KCNMA1: variants seen among roughly 807,000 people sequenced by gnomAD.
The protein encoded by KCNMA1 is potassium calcium-activated channel subfamily M alpha 1, also known as Calcium-activated potassium channel subunit alpha-1.
A neutral mutation model predicts 140.0 loss-of-function variants in KCNMA1; 29 were observed. The observed-to-expected ratio is 0.21, with a 90% CI of 0.15 to 0.28. The LOEUF is 0.28. Among genes scored for constraint, KCNMA1 ranks in the 10% least tolerant of loss-of-function variants. The pLI, the probability that KCNMA1 is intolerant of heterozygous loss-of-function variation, is 1.00. For missense variants in KCNMA1, 880 were observed against 1,602.2 expected (o/e 0.55, Z 7.70); for synonymous variants, 612 against 611.9 (o/e 1.00, Z 0.00).
At chr10:77,070,505 G>A (rs1017450800) in intron 14 of KCNMA1, among the ~76,000 whole-genome samples, 3 of 152,104 alleles carry the variant, frequency 2.0e-5, no homozygotes, top group African/African-American at 4.8e-5. Flanking sequence ...AATGCTAATT[G>A]TTCCCAAAGG....
At chr10:77,499,436 T>TAC (rs10672811) in intron 1 of KCNMA1, among the ~76,000 whole-genome samples, 11,982 of 142,858 alleles carry the variant, frequency 0.084, 1,419 homozygotes, top group African/African-American at 0.27. Flanking sequence ...CACACACACA[T>TAC]ACACACACAC....
At chr10:77,636,716 C>T in intron 1 of KCNMA1, 1 of 1,513,630 alleles carries the variant, frequency 6.6e-7, no homozygotes, top group East Asian at 2.5e-5. Context: ...GGGCCATGCT[C>T]CTCCCCCGGG....
At chr10:77,621,345 T>A (rs1252115838) in intron 1 of KCNMA1, among the ~76,000 whole-genome samples, 1 of 152,204 alleles carries the variant, frequency 6.6e-6, no homozygotes, top group Non-Finnish European at 1.5e-5. Context: ...CCCATTCTTT[T>A]ACTAACACAG....
chr10:77,255,714 C>A (rs920394280), intron 2 of KCNMA1, among the ~76,000 whole-genome samples: 1 of 152,054 alleles, frequency 6.6e-6, no homozygotes, highest in African/African-American at 2.4e-5. Flanking sequence ...GAGTTCGAGA[C>A]CAGCCTGGCC....
intron 23 of KCNMA1, among the ~76,000 whole-genome samples, chr10:76,937,176 C>T (rs1162491686): frequency 6.6e-6 from 1 of 152,184 alleles, no homozygotes; most frequent in African/African-American, 2.4e-5. Context: ...AAATATCTTC[C>T]TTATGTTGGG....
intron 1 of KCNMA1, among the ~76,000 whole-genome samples, chr10:77,450,676 C>T (rs187876682): frequency 9.9e-5 from 15 of 152,258 alleles, no homozygotes; most frequent in African/African-American, 3.4e-4. Flanking sequence ...GGTTTCACCA[C>T]CAGTCATGTC....
At chr10:77,249,489 A>T (rs944220628) in intron 3 of KCNMA1, 1 of 152,170 alleles carries the variant, frequency 6.6e-6, no homozygotes, top group Non-Finnish European at 1.5e-5. Context: ...TAAAAAAATA[A>T]AAAAAATAAA....
intron 2 of KCNMA1, among the ~76,000 whole-genome samples, chr10:77,293,932 A>C (rs1044844698): frequency 1.3e-5 from 2 of 152,242 alleles, no homozygotes; most frequent in Admixed American, 6.5e-5. Context: ...GAAGCATCAA[A>C]TCTCTTTCAC....
chr10:77,065,624 G>A (rs987421613), intron 14 of KCNMA1, among the ~76,000 whole-genome samples: 8 of 152,122 alleles, frequency 5.3e-5, no homozygotes, highest in Middle Eastern at 6.8e-3. Context: ...AAACAGACCC[G>A]ATCATGTAGT....
chr10:76,892,103 A>T (rs1032697692), intron 25 of KCNMA1, among the ~76,000 whole-genome samples: 7 of 152,138 alleles, frequency 4.6e-5, no homozygotes, highest in African/African-American at 1.7e-4. Context: ...CCCAGCTACT[A>T]ACCCAAGCAG....
At chr10:76,986,780 T>C (rs574795152) in intron 19 of KCNMA1, among the ~76,000 whole-genome samples, 1 of 152,248 alleles carries the variant, frequency 6.6e-6, no homozygotes, top group East Asian at 1.9e-4. Flanking sequence ...AAGCAATGGG[T>C]TTGCCATGGC....
intron 23 of KCNMA1, among the ~76,000 whole-genome samples, chr10:76,921,383 G>GA (rs1339500025): frequency 6.6e-6 from 1 of 151,964 alleles, no homozygotes; most frequent in Non-Finnish European, 1.5e-5. Flanking sequence ...TAATGCCAGG[G>GA]AAAAAAACCT....
intron 7 of KCNMA1, among the ~76,000 whole-genome samples, chr10:77,110,647 C>T (rs1378259778): frequency 6.6e-6 from 1 of 152,174 alleles, no homozygotes; most frequent in Non-Finnish European, 1.5e-5. Flanking sequence ...GGGAAGCCAG[C>T]TAAAATTCAG....
At chr10:77,533,624 C>A (rs886401136) in intron 1 of KCNMA1, among the ~76,000 whole-genome samples, 1 of 152,126 alleles carries the variant, frequency 6.6e-6, no homozygotes, top group Non-Finnish European at 1.5e-5. Flanking sequence ...ACCTCCATCA[C>A]TGCCCGGCAA....
At chr10:77,035,060 C>T (rs868364895) in intron 15 of KCNMA1, among the ~76,000 whole-genome samples, 2 of 152,082 alleles carry the variant, frequency 1.3e-5, no homozygotes, top group Non-Finnish European at 2.9e-5. Context: ...AAGTGCTCAC[C>T]AAAAACACTG....
chr10:77,151,561 A>T (rs561300930), intron 5 of KCNMA1, among the ~76,000 whole-genome samples: 1 of 152,248 alleles, frequency 6.6e-6, no homozygotes, highest in Non-Finnish European at 1.5e-5. Flanking sequence ...CTTTGCAACT[A>T]TGAACAAATG....
At chr10:77,503,075 G>A (rs2044507417) in intron 1 of KCNMA1, among the ~76,000 whole-genome samples, 1 of 152,110 alleles carries the variant, frequency 6.6e-6, no homozygotes, top group Admixed American at 6.5e-5. Context: ...AACATAGCTA[G>A]ATCCTCTCTT....
chr10:76,925,880 G>A (rs2057524738), intron 23 of KCNMA1, among the ~76,000 whole-genome samples: 1 of 152,104 alleles, frequency 6.6e-6, no homozygotes, highest in Non-Finnish European at 1.5e-5. Flanking sequence ...AGTGATCCAA[G>A]GCCTTGCCAT....
chr10:77,175,579 C>T (rs1231953422), intron 5 of KCNMA1, among the ~76,000 whole-genome samples: 1 of 152,190 alleles, frequency 6.6e-6, no homozygotes, highest in African/African-American at 2.4e-5. Context: ...CAGTACAAAG[C>T]AGGCTGCGTA....
Sources: gnomAD v4.1 joint callset for allele counts (sites outside exome capture counted in the v4.1 genomes callset) on GRCh38, gnomAD v4.1.1 for gene constraint, MANE v1.5 for transcripts, NCBI Gene and HGNC (gene_info 2026-07-23, HGNC 2026-07-21) for gene names.